The following RNF185 variants were observed in gnomAD, a reference collection of about 807,000 sequenced individuals.
The protein encoded by RNF185 is E3 ubiquitin-protein ligase RNF185.
A neutral mutation model predicts 24.9 loss-of-function variants in RNF185; 13 were observed. The observed-to-expected ratio is 0.52, with a 90% CI of 0.34 to 0.83. The LOEUF (loss-of-function observed/expected upper bound fraction) is 0.83, where lower values mean the gene tolerates loss of function less well. Among genes scored for constraint, RNF185 ranks in the 40% least tolerant of loss-of-function variants. RNF185 has a pLI of 0.01. For missense variants in RNF185, 184 were observed against 244.7 expected, an observed-to-expected ratio of 0.75 and a Z score of 1.65; for synonymous variants, 79 against 90.3, an observed-to-expected ratio of 0.88 and a Z score of 0.71.
intron 6 of RNF185, among the ~76,000 whole-genome samples, 169 bp from the exon 7 acceptor site, chr22:31,204,320 G>T (rs1239807754): frequency 6.6e-6 from 1 of 151,042 alleles, no homozygotes; most frequent in Non-Finnish European, 1.5e-5. Flanking sequence ...TCTAGCCTGG[G>T]CAACAGAGCG....
rs553475852 is a variant in RNF185 at position 31,191,077 on chromosome 22, A to G, written c.177-1607A>G. ...GTAAGTACACTCTGTGATGCTCACA[A>G]TGATGAAATTGCCTAATGACACATT... On this transcript the variant is annotated intron_variant, in intron 2 of 6. Coordinates refer to ENST00000326132, the MANE Select transcript of RNF185 (RefSeq NM_152267.4). Among the ~76,000 whole-genome samples the G allele has an allele frequency of 2.0e-5, 3 of 152,364 alleles. No homozygotes were observed. In the South Asian group the frequency reaches 6.2e-4, roughly 32 times the overall value.
At chr22:31,169,510 C>T (rs2147923608) in intron 1 of RNF185, among the ~76,000 whole-genome samples, 2 of 152,184 alleles carry the variant, frequency 1.3e-5, no homozygotes, top group Middle Eastern at 3.4e-3. Context: ...AGAGGCGGCC[C>T]TAATTGCTGC....
chr22:31,184,590 T>G (rs1170738984), intron 1 of RNF185, among the ~76,000 whole-genome samples: 3 of 151,960 alleles, frequency 2.0e-5, no homozygotes, highest in Non-Finnish European at 1.5e-5. Flanking sequence ...GTTGTAGCGA[T>G]CCGAGATCAC....
At chr22:31,182,099 A>C (rs2048043706) in intron 1 of RNF185, among the ~76,000 whole-genome samples, 1 of 149,528 alleles carries the variant, frequency 6.7e-6, no homozygotes, top group Admixed American at 6.7e-5. Flanking sequence ...AACAAAATTA[A>C]CAGTAATTCC....
intron 1 of RNF185, among the ~76,000 whole-genome samples, chr22:31,183,690 A>G (rs369081765): frequency 1.3e-5 from 2 of 152,176 alleles, no homozygotes; most frequent in Admixed American, 1.3e-4. Flanking sequence ...TTCAGAGAGC[A>G]GGGGTTGGGG....
intron 1 of RNF185, among the ~76,000 whole-genome samples, chr22:31,181,564 T>C (rs1470374477): frequency 6.6e-6 from 1 of 152,154 alleles, no homozygotes; most frequent in Non-Finnish European, 1.5e-5. Context: ...CGTATGTTTA[T>C]TGCGGGACTA....
At chr22:31,204,377 A>T (rs998747042) in intron 6 of RNF185, 112 bp from the exon 7 acceptor site, 6 of 714,034 alleles carry the variant, frequency 8.4e-6, no homozygotes, top group African/African-American at 1.8e-5. Flanking sequence ...TGTGTGTAGG[A>T]TTCTGATGTT....
At chr22:31,201,389 A>G in intron 5 of RNF185, 109 bp from the exon 6 acceptor site, 1 of 796,296 alleles carries the variant, frequency 1.3e-6, no homozygotes, top group Non-Finnish European at 2.2e-6. Context: ...CAAGGTAGGG[A>G]GAAGAGGCAG....
At position 31,194,426 on chromosome 22, in the gene RNF185, A is replaced by G. The variant is rs1361790765; in HGVS notation, c.196-1043A>G. On this transcript the variant is annotated intron_variant, in intron 3 of 6. Coordinates refer to ENST00000326132, the MANE Select transcript of RNF185 (RefSeq NM_152267.4). ...GCCTGGGATACACAGTTGTTGGGAA[A>G]ATGCTATAAAAATGAGAAATTGGCC... Among the ~76,000 whole-genome samples, 4 of 152,034 alleles carry G rather than the reference A, an allele frequency of 2.6e-5. No homozygotes were observed. The East Asian group carries it at 7.7e-4, about 29-fold the overall frequency.
chr22:31,167,200 G>C (rs1371376386), intron 1 of RNF185, among the ~76,000 whole-genome samples: 3 of 151,594 alleles, frequency 2.0e-5, no homozygotes. Flanking sequence ...TTTTGAGATA[G>C]GGTCTCACTC....
intron 1 of RNF185, 132 bp from the exon 2 acceptor site, chr22:31,186,915 A>T: frequency 1.5e-6 from 1 of 660,516 alleles, no homozygotes; most frequent in Non-Finnish European, 2.6e-6. Flanking sequence ...TGTCTTCTGT[A>T]GCGCTTTGGG....
At chr22:31,193,501 A>T (rs2147954878) in intron 3 of RNF185, among the ~76,000 whole-genome samples, 1 of 152,312 alleles carries the variant, frequency 6.6e-6, no homozygotes, top group Admixed American at 6.5e-5. Context: ...ATGTCTATAA[A>T]AACACATTTT....
At chr22:31,196,883 G>T in intron 4 of RNF185, 53 bp from the exon 5 acceptor site, 1 of 1,603,610 alleles carries the variant, frequency 6.2e-7, no homozygotes, top group South Asian at 1.1e-5. Flanking sequence ...TCCTCACAGG[G>T]AGCAACTCAA....
intron 1 of RNF185, among the ~76,000 whole-genome samples, chr22:31,166,479 T>A (rs1923926830): frequency 6.6e-6 from 1 of 152,210 alleles, no homozygotes; most frequent in Non-Finnish European, 1.5e-5. Context: ...TTGCTTTTTC[T>A]TATTAACATC....
At chr22:31,201,072 TTAAAGA>T (rs2048259040) in intron 5 of RNF185, among the ~76,000 whole-genome samples, 1 of 152,222 alleles carries the variant, frequency 6.6e-6, no homozygotes, top group African/African-American at 2.4e-5. Flanking sequence ...ATTTTTGCTA[TTAAAGA>T]TAATGTGTAG....
At chr22:31,163,348 G>GACA (rs919523954) in intron 1 of RNF185, among the ~76,000 whole-genome samples, 3 of 150,188 alleles carry the variant, frequency 2.0e-5, no homozygotes, top group Admixed American at 2.0e-4. Flanking sequence ...TTTTTTTTGA[G>GACA]ACAGTGACTC....
intron 1 of RNF185, among the ~76,000 whole-genome samples, chr22:31,182,646 TG>T (rs1196436179): frequency 6.6e-6 from 1 of 152,036 alleles, no homozygotes; most frequent in Non-Finnish European, 1.5e-5. Flanking sequence ...AAACAGTTTT[TG>T]TCAATCATGT....
intron 1 of RNF185, 88 bp downstream of exon 1, chr22:31,160,391 G>C (rs1568955571): frequency 6.6e-6 from 1 of 152,274 alleles, no homozygotes; most frequent in South Asian, 2.1e-4. Flanking sequence ...GGACACACGG[G>C]CTTGAACATC....
chr22:31,187,633 T>C (rs1454425554), intron 2 of RNF185, among the ~76,000 whole-genome samples: 2 of 152,208 alleles, frequency 1.3e-5, no homozygotes, highest in African/African-American at 4.8e-5. Context: ...ACCTTCCTGT[T>C]TGACCTTGGA....
Sources: allele counts gnomAD v4.1 joint callset (sites outside exome capture counted in the v4.1 genomes callset), GRCh38; gene constraint gnomAD v4.1.1; transcripts MANE v1.5; gene names NCBI Gene and HGNC (gene_info 2026-07-23, HGNC 2026-07-21).